The following PCDHA8 variants were observed in gnomAD, a reference collection of about 807,000 sequenced individuals.
The protein encoded by PCDHA8 is protocadherin alpha-8.
Under a neutral mutation model 61.8 loss-of-function variants are expected in PCDHA8, and 53 were observed. The ratio of observed to expected loss-of-function variants is 0.86; its 90% CI spans 0.69 to 1.08. The LOEUF (loss-of-function observed/expected upper bound fraction) is 1.08. PCDHA8 is among the 50% of genes least tolerant of loss of function. PCDHA8 has a pLI of 0.00. For synonymous variants in PCDHA8, 618 were observed against 556.6 expected (o/e 1.11, Z -1.55); for missense variants, 1,293 against 1,245.0 (o/e 1.04, Z -0.58).
At chr5:140,935,564 T>A (rs1554210560) in intron 1 of PCDHA8, among the ~76,000 whole-genome samples, 1 of 152,236 alleles carries the variant, frequency 6.6e-6, no homozygotes, top group Non-Finnish European at 1.5e-5. Context: ...GAAAAGTTCC[T>A]CTCTGTGTAG....
chr5:141,006,048 G>T (rs1158028347), intron 3 of PCDHA8, among the ~76,000 whole-genome samples: 1 of 150,984 alleles, frequency 6.6e-6, no homozygotes, highest in Non-Finnish European at 1.5e-5. Context: ...TTGTAGATGA[G>T]AGTGGAGAAG....
chr5:140,903,543 A>C (rs1309997907), intron 1 of PCDHA8, among the ~76,000 whole-genome samples: 2 of 152,206 alleles, frequency 1.3e-5, no homozygotes, highest in East Asian at 3.8e-4. Flanking sequence ...TAGAGCAAGA[A>C]ACTTTTCTAA....
chr5:140,843,739 T>C (rs1554140396), intron 1 of PCDHA8, 24 bp downstream of exon 1: 2 of 1,538,164 alleles, frequency 1.3e-6, no homozygotes, highest in African/African-American at 2.7e-5. Context: ...AATTTAGAAC[T>C]CATAAATTCT....
At chr5:140,858,424 C>T in intron 1 of PCDHA8, 3 of 1,553,410 alleles carry the variant, frequency 1.9e-6, no homozygotes, top group Non-Finnish European at 2.6e-6. Context: ...TTGGAGGGGA[C>T]CACTCTAGGA....
intron 1 of PCDHA8, chr5:140,884,166 C>T: frequency 1.2e-6 from 2 of 1,613,430 alleles, no homozygotes; most frequent in Non-Finnish European, 1.7e-6. Context: ...GAGATCAGCA[C>T]GACGCGCCCT....
intron 3 of PCDHA8, among the ~76,000 whole-genome samples, chr5:141,009,296 T>A (rs889577032): frequency 3.3e-4 from 50 of 152,004 alleles, no homozygotes; most frequent in Non-Finnish European, 5.3e-4. Context: ...TTCTATAAAA[T>A]TTTTTTTAAA....
At chr5:141,000,395 CTA>C (rs1190667031) in intron 3 of PCDHA8, among the ~76,000 whole-genome samples, 91 of 53,954 alleles carry the variant, frequency 1.7e-3, no homozygotes, top group Admixed American at 3.8e-3. Flanking sequence ...CTCTCTCTCT[CTA>C]TATATATATA....
chr5:140,926,170 C>G (rs558750358), intron 1 of PCDHA8, among the ~76,000 whole-genome samples: 1 of 151,736 alleles, frequency 6.6e-6, no homozygotes. Flanking sequence ...CAGGATCCAG[C>G]GCGGAAAGCC....
chr5:140,917,058 C>T (rs1028478613), intron 1 of PCDHA8, among the ~76,000 whole-genome samples: 4 of 152,072 alleles, frequency 2.6e-5, no homozygotes, highest in Non-Finnish European at 5.9e-5. Context: ...TTCCCTGCTA[C>T]GACAGCACCG....
At chr5:140,967,562 C>T in intron 1 of PCDHA8, 1 of 1,614,064 alleles carries the variant, frequency 6.2e-7, no homozygotes, top group Non-Finnish European at 8.5e-7. Context: ...TCGCGTCCAG[C>T]TACGGGAGGA....
intron 3 of PCDHA8, among the ~76,000 whole-genome samples, chr5:140,996,256 A>C (rs2097718697): frequency 6.6e-6 from 1 of 152,252 alleles, no homozygotes. Flanking sequence ...TGACAGCAAC[A>C]CAGAGCCTGG....
chr5:140,857,295 G>A, intron 1 of PCDHA8: 1 of 1,598,726 alleles, frequency 6.3e-7, no homozygotes, highest in Non-Finnish European at 8.6e-7. Flanking sequence ...GACCGCGAGA[G>A]GGTGTCGGCC....
intron 1 of PCDHA8, among the ~76,000 whole-genome samples, chr5:140,937,127 T>TC: frequency 6.7e-6 from 1 of 149,014 alleles, no homozygotes. Context: ...AAGCTCCGCC[T>TC]CCCGGGTTCA....
chr5:140,939,729 G>A (rs1376988004), intron 1 of PCDHA8, among the ~76,000 whole-genome samples: 16 of 152,166 alleles, frequency 1.1e-4, no homozygotes, highest in Admixed American at 1.0e-3. Context: ...ATTGTTGTGT[G>A]TAGCTGTGTA....
Position 140,871,256 on chromosome 5 carries a change from C to T in PCDHA8, c.2394+27541C>T, listed in dbSNP as rs781990448. ...CTGGTACTCACGCTGCTGCTGTATA[C>T]GGCGCTGTGGTGGTCGGCAACGCCC... On this transcript the variant is annotated intron_variant, in intron 1 of 3. Coordinates refer to ENST00000531613, the MANE Select transcript of PCDHA8 (RefSeq NM_018911.3). The T allele has an allele frequency of 4.3e-6, 7 of 1,613,866 alleles. No individual in the cohort carries two copies. Among genetic ancestry groups the T allele is most frequent in the East Asian group, 2.2e-5 (1 of 44,888 alleles).
chr5:140,990,869 G>A (rs2097420316), intron 3 of PCDHA8, among the ~76,000 whole-genome samples: 3 of 152,192 alleles, frequency 2.0e-5, no homozygotes, highest in African/African-American at 4.8e-5. Context: ...TGTATTTTAA[G>A]TGTATGTTCC....
rs1446596900 is a variant in PCDHA8 at position 140,900,305 on chromosome 5, C to T, written c.2394+56590C>T. On this transcript the variant is annotated intron_variant, in intron 1 of 3. Transcript: ENST00000531613. ...TTTCTTTTCTGTTTTTTTAGACAGTCTCACTTTTGTCGCCCAGGCTGGAGT... is the reference window on the plus strand; with the variant it reads ...TTTCTTTTCTGTTTTTTTAGACAGTTTCACTTTTGTCGCCCAGGCTGGAGT... Among the ~76,000 whole-genome samples the T allele has an allele frequency of 1.3e-4, 20 of 151,754 alleles. No homozygotes were observed. In the East Asian group the frequency reaches 3.9e-3, roughly 30 times the overall value.
Position 140,876,083 on chromosome 5 carries a change from A to C in PCDHA8, c.2394+32368A>C. 1 of 1,613,974 alleles carries C rather than the reference A, an allele frequency of 6.2e-7. No individual in the cohort carries two copies. The highest frequency in any genetic ancestry group is 8.5e-7 in the Non-Finnish European group (1 of 1,179,900). ...CTTCGGAAGTTATTGGACAGAGAGC[A>C]AACGCCAAAACTCAATTTATTGCTG... On this transcript the variant is annotated intron_variant, in intron 1 of 3. Coordinates refer to ENST00000531613, the MANE Select transcript of PCDHA8 (RefSeq NM_018911.3).
rs79307553 is a variant in PCDHA8, at chr5:140,974,500, T to G, written c.2395-4449T>G. ...ACCCAGAATTCTCAAATGTATTACC[T>G]TTGTGTTTTATTTTATTTTAGTTTT... is the stretch of plus-strand genomic sequence containing the variant. On this transcript the variant is annotated intron_variant, in intron 1 of 3. Transcript: ENST00000531613. 8.7e-3 allele frequency among the ~76,000 whole-genome samples: 1,326 copies of G among 152,308 alleles called. 23 individuals carry two copies. Among genetic ancestry groups the G allele is most frequent in the African/African-American group, 0.03 (1,239 of 41,564 alleles).
Sources: gnomAD v4.1 joint callset for allele counts (sites outside exome capture counted in the v4.1 genomes callset) on GRCh38, gnomAD v4.1.1 for gene constraint, MANE v1.5 for transcripts, NCBI Gene and HGNC (gene_info 2026-07-23, HGNC 2026-07-21) for gene names.